SUPT3H: variants seen among roughly 807,000 people sequenced by gnomAD.
SUPT3H encodes the protein SPT3 homolog, SAGA and STAGA complex component.
SUPT3H carries 44 observed loss-of-function variants against 44.3 expected under a neutral mutation model. That is an observed-to-expected ratio of 0.99 (90% confidence interval 0.78 to 1.28). The LOEUF is 1.28. Ranked by LOEUF, SUPT3H falls within the 50% of genes most tolerant of loss-of-function variation. SUPT3H has a pLI of 0.00. For synonymous variants in SUPT3H, 124 were observed against 125.6 expected, an observed-to-expected ratio of 0.99 and a Z score of 0.09; for missense variants, 380 against 387.1, an observed-to-expected ratio of 0.98 and a Z score of 0.15.
chr6:45,052,784 TCCTTA>T (rs1434695262), intron 3 of SUPT3H, among the ~76,000 whole-genome samples: 1 of 152,114 alleles, frequency 6.6e-6, no homozygotes, highest in African/African-American at 2.4e-5. Context: ...TAAAATGTGG[TCCTTA>T]CCTTAGGTAG....
At chr6:45,136,847 GA>G (rs1804368355) in intron 2 of SUPT3H, among the ~76,000 whole-genome samples, 1 of 151,878 alleles carries the variant, frequency 6.6e-6, no homozygotes, top group African/African-American at 2.4e-5. Context: ...GTCTCAGAAG[GA>G]GAAGAAAAAA....
At chr6:44,980,296 A>G (rs1046757083) in intron 6 of SUPT3H, among the ~76,000 whole-genome samples, 9 of 151,896 alleles carry the variant, frequency 5.9e-5, no homozygotes, top group East Asian at 1.9e-4. Context: ...CATCTCATTG[A>G]TAAGTTCTCG....
Position 44,908,000 on chromosome 6 carries a change from GAA to G in SUPT3H, c.912+24651_912+24652del, listed in dbSNP as rs1241957764. Among the ~76,000 whole-genome samples the G allele has an allele frequency of 2.0e-5, 3 of 152,208 alleles. No homozygotes were observed. In the East Asian group the frequency reaches 5.8e-4, roughly 29 times the overall value. On this transcript the variant is annotated intron_variant, in intron 10 of 10. Transcript: ENST00000371459. ...GAGGACCAAAGAGCCAGGAGAACTTGAAAGAGTAGCAAGAAATAACCAAAACT... is the reference window on the plus strand; with the variant it reads ...GAGGACCAAAGAGCCAGGAGAACTTGAGAGTAGCAAGAAATAACCAAAACT...
At chr6:45,017,256 GA>G (rs1354377046) in intron 4 of SUPT3H, among the ~76,000 whole-genome samples, 1 of 149,688 alleles carries the variant, frequency 6.7e-6, no homozygotes, top group East Asian at 2.0e-4. Context: ...CCCTTTGTCA[GA>G]TGAGTAGGTT....
intron 2 of SUPT3H, among the ~76,000 whole-genome samples, chr6:45,294,000 G>A (rs114644175): frequency 0.02 from 3,048 of 152,054 alleles, 110 homozygotes; most frequent in African/African-American, 0.069. Context: ...CCATTATCAC[G>A]CTAATACTAA....
At chr6:44,809,159 T>A (rs1340853772), downstream of SUPT3H, among the ~76,000 whole-genome samples, 1 of 152,214 alleles carries the variant, frequency 6.6e-6, no homozygotes, top group Non-Finnish European at 1.5e-5. Flanking sequence ...AATCAAGTTG[T>A]TTATTAGTCT....
At chr6:45,274,699 G>A (rs901057213) in intron 2 of SUPT3H, among the ~76,000 whole-genome samples, 22 of 152,154 alleles carry the variant, frequency 1.4e-4, no homozygotes, top group African/African-American at 4.6e-4. Flanking sequence ...TGGGCAACAC[G>A]GTGAAACCCT....
chr6:45,286,471 A>G (rs60412391), intron 2 of SUPT3H, among the ~76,000 whole-genome samples: 34,498 of 152,042 alleles, frequency 0.23, 4,600 homozygotes, highest in Non-Finnish European at 0.31. Flanking sequence ...CATTTATGCA[A>G]CCAAAAGACA....
chr6:45,268,986 A>T (rs1178659025), intron 2 of SUPT3H, among the ~76,000 whole-genome samples: 3 of 152,192 alleles, frequency 2.0e-5, no homozygotes, highest in African/African-American at 4.8e-5. Context: ...GCTTTATGAA[A>T]GAGAGACATG....
At chr6:45,254,268 T>C (rs564838779) in intron 2 of SUPT3H, among the ~76,000 whole-genome samples, 2 of 152,172 alleles carry the variant, frequency 1.3e-5, no homozygotes, top group Admixed American at 1.3e-4. Flanking sequence ...AAACACAGGA[T>C]AGAAACAGCA....
intron 3 of SUPT3H, among the ~76,000 whole-genome samples, chr6:45,052,964 G>T (rs758945608): frequency 1.3e-5 from 2 of 152,132 alleles, no homozygotes; most frequent in South Asian, 4.2e-4. Context: ...AGAGGGAGAA[G>T]AGAGAGGAAG....
chr6:45,331,236 G>A (rs926044097), intron 2 of SUPT3H, among the ~76,000 whole-genome samples: 3 of 151,886 alleles, frequency 2.0e-5, no homozygotes, highest in Admixed American at 2.0e-4. Flanking sequence ...CTCAAAATCT[G>A]TCCATCATTT....
chr6:45,284,851 C>G (rs1359981010), intron 2 of SUPT3H, among the ~76,000 whole-genome samples: 1 of 152,186 alleles, frequency 6.6e-6, no homozygotes, highest in Non-Finnish European at 1.5e-5. Context: ...CAACAAAATA[C>G]TGGCAAACCG....
At chr6:45,015,042 G>C (rs1390397571) in intron 4 of SUPT3H, 151 bp from the exon 5 acceptor site, 2 of 420,006 alleles carry the variant, frequency 4.8e-6, no homozygotes, top group African/African-American at 4.1e-5. Flanking sequence ...GACATAAAAA[G>C]GTAGTCATCA....
At chr6:45,032,264 G>A (rs993827183) in intron 3 of SUPT3H, among the ~76,000 whole-genome samples, 4 of 152,010 alleles carry the variant, frequency 2.6e-5, no homozygotes, top group Admixed American at 6.6e-5. Flanking sequence ...ATGAAAAGTC[G>A]GGTTTCCCTA....
intron 2 of SUPT3H, among the ~76,000 whole-genome samples, chr6:45,184,900 A>G (rs1376463574): frequency 6.6e-6 from 1 of 152,142 alleles, no homozygotes; most frequent in Non-Finnish European, 1.5e-5. Flanking sequence ...CCAATCATCA[A>G]TGGAAAAACA....
At chr6:45,162,244 A>G (rs1484130999) in intron 2 of SUPT3H, among the ~76,000 whole-genome samples, 1 of 152,014 alleles carries the variant, frequency 6.6e-6, no homozygotes, top group Non-Finnish European at 1.5e-5. Flanking sequence ...GAAGAAGAAG[A>G]AAGAGCCAGG....
intron 2 of SUPT3H, among the ~76,000 whole-genome samples, chr6:45,315,534 C>T (rs538962970): frequency 1.3e-5 from 2 of 152,260 alleles, no homozygotes; most frequent in East Asian, 3.9e-4. Flanking sequence ...AAATGCTCAA[C>T]ATCACTAATG....
intron 2 of SUPT3H, among the ~76,000 whole-genome samples, chr6:45,185,719 C>A (rs1480788861): frequency 6.6e-6 from 1 of 152,238 alleles, no homozygotes; most frequent in Admixed American, 6.5e-5. Flanking sequence ...AGGGGCTACC[C>A]CAGTTTTTGT....
Sources: allele counts gnomAD v4.1 joint callset (sites outside exome capture counted in the v4.1 genomes callset), GRCh38; gene constraint gnomAD v4.1.1; transcripts MANE v1.5; gene names NCBI Gene and HGNC (gene_info 2026-07-23, HGNC 2026-07-21).